Variants in RALGAPB observed in about 807,000 individuals in gnomAD.
The protein encoded by RALGAPB is ral GTPase-activating protein subunit beta.
A neutral mutation model predicts 161.1 loss-of-function variants in RALGAPB; 25 were observed. That is an observed-to-expected ratio of 0.16 (90% CI 0.11 to 0.22). The LOEUF (loss-of-function observed/expected upper bound fraction) is 0.22. Ranked by LOEUF, RALGAPB falls within the 10% of genes least tolerant of loss-of-function variation. The pLI, the probability that RALGAPB is intolerant of heterozygous loss-of-function variation, is 1.00. For missense variants in RALGAPB, 1,391 were observed against 1,815.2 expected, an observed-to-expected ratio of 0.77 and a Z score of 4.25; for synonymous variants, 629 against 626.1, an observed-to-expected ratio of 1.00 and a Z score of -0.07.
At position 38,558,274 on chromosome 20, in the gene RALGAPB, CCTTT is replaced by C. The variant is rs766165125; in HGVS notation, c.3373-17_3373-14del. 46 of 1,479,832 alleles carry C rather than the reference CCTTT, an allele frequency of 3.1e-5. No individual in the cohort carries two copies. The East Asian group carries it at 1.0e-3, about 33-fold the overall frequency. 91.7% of individuals were successfully genotyped at this position (1,479,832 alleles called of 1,614,324 possible). A position where few individuals can be genotyped will look rare whatever the true frequency, so the allele number is the denominator to read the frequency against. ...TGAAAGAAAATAGGTAATAATTGCT[CCTTT>C]CTTCTTTTGGTGGCAGGAACCTGCA... On this transcript the variant is annotated splice_polypyrimidine_tract_variant and intron_variant, in intron 22 of 29. Coordinates refer to ENST00000262879, the MANE Select transcript of RALGAPB (RefSeq NM_020336.4).
At chr20:38,566,799 G>A (rs889465366) in intron 25 of RALGAPB, among the ~76,000 whole-genome samples, 6 of 152,192 alleles carry the variant, frequency 3.9e-5, no homozygotes, top group East Asian at 1.9e-4. Context: ...TTATCCTTTA[G>A]AGCAGGAGCT....
intron 21 of RALGAPB, 64 bp from the exon 22 acceptor site, chr20:38,553,803 A>AAAAAATAAT: frequency 1.1e-6 from 1 of 886,876 alleles, no homozygotes; most frequent in East Asian, 2.8e-5. Flanking sequence ...AAAAAAAAAC[A>AAAAAATAAT]CTTAAGATTG....
At chr20:38,562,436 G>A in intron 23 of RALGAPB, 96 bp from the exon 24 acceptor site, 1 of 1,049,262 alleles carries the variant, frequency 9.5e-7, no homozygotes, top group Non-Finnish European at 1.3e-6. Flanking sequence ...GACATGATTT[G>A]TCAGAAGCTT....
intron 16 of RALGAPB, among the ~76,000 whole-genome samples, chr20:38,539,385 A>G (rs554086144): frequency 6.6e-6 from 1 of 152,256 alleles, no homozygotes; most frequent in African/African-American, 2.4e-5. Flanking sequence ...ATATTGGGCA[A>G]TTTATGACAA....
At chr20:38,536,155 C>T (rs915429697) in intron 16 of RALGAPB, among the ~76,000 whole-genome samples, 6 of 152,316 alleles carry the variant, frequency 3.9e-5, no homozygotes, top group East Asian at 3.9e-4. Flanking sequence ...CGCACCCCCT[C>T]CTCTGACAAC....
chr20:38,554,774 A>G (rs915113136), intron 22 of RALGAPB, among the ~76,000 whole-genome samples: 1 of 152,240 alleles, frequency 6.6e-6, no homozygotes, highest in African/African-American at 2.4e-5. Flanking sequence ...TCTTAATTCC[A>G]TTAGCCTTAA....
intron 25 of RALGAPB, among the ~76,000 whole-genome samples, chr20:38,566,107 C>T (rs945452655): frequency 5.9e-5 from 9 of 152,182 alleles, no homozygotes; most frequent in African/African-American, 2.2e-4. Context: ...TCTTTGAGAT[C>T]ATTTGTAGGA....
chr20:38,510,129 CAT>C (rs1255283282), intron 6 of RALGAPB, among the ~76,000 whole-genome samples: 2 of 84,700 alleles, frequency 2.4e-5, no homozygotes, highest in African/African-American at 6.3e-5. Context: ...CACACACGCA[CAT>C]ACACACACAC....
rs143350423 is a variant in RALGAPB at position 38,529,565 on chromosome 20, G to T, written c.2051-1602G>T. Among the ~76,000 whole-genome samples, 26 of 151,754 alleles carry T rather than the reference G, an allele frequency of 1.7e-4. No individual in the cohort carries two copies. In the East Asian group the frequency reaches 3.5e-3, roughly 20 times the overall value. ...ATAAAAATAAAGCTTGGGCGTGGTG[G>T]CTCATGCCTGTAATCCCAGAACTTT... is the stretch of plus-strand genomic sequence containing the variant. On this transcript the variant is annotated intron_variant, in intron 13 of 29. Coordinates refer to ENST00000262879, the MANE Select transcript of RALGAPB (RefSeq NM_020336.4).
chr20:38,506,709 C>T (rs904182338), intron 5 of RALGAPB, among the ~76,000 whole-genome samples: 4 of 152,058 alleles, frequency 2.6e-5, no homozygotes, highest in African/African-American at 9.7e-5. Flanking sequence ...TCCTCTGCCC[C>T]GCTGTATTTC....
chr20:38,518,112 C>T, intron 9 of RALGAPB, 112 bp downstream of exon 9: 1 of 1,039,144 alleles, frequency 9.6e-7, no homozygotes. Flanking sequence ...CTCTCTGTTT[C>T]TGACCAAGCA....
chr20:38,515,257 T>C (rs1005623581), intron 6 of RALGAPB, among the ~76,000 whole-genome samples: 2 of 152,232 alleles, frequency 1.3e-5, no homozygotes, highest in African/African-American at 2.4e-5. Context: ...CGTTCTCCTT[T>C]CCGCAATTAC....
In RALGAPB at chr20:38,549,548, A is replaced by AT. The variant is rs1401414758; in HGVS notation, c.3009+753_3009+754insT. On this transcript the variant is annotated intron_variant, in intron 20 of 29. Transcript: ENST00000262879. Reference sequence around the variant, plus strand: ...CCAGCCTAATTAAAAAAAAAAAAAAAAATATATATATATATACACACACAC... The same window carrying AT: ...CCAGCCTAATTAAAAAAAAAAAAAAATAATATATATATATATACACACACAC... Among the ~76,000 whole-genome samples, 565 of 123,196 alleles carry AT rather than the reference A, an allele frequency of 4.6e-3. 3 individuals are homozygous for AT. The highest frequency in any genetic ancestry group is 7.8e-3 in the African/African-American group (275 of 35,392). The allele number at this position is 123,196 out of a possible 152,430, so 80.8% of individuals were successfully genotyped here. A position where few individuals can be genotyped will look rare whatever the true frequency, so the allele number is the denominator to read the frequency against.
At chr20:38,555,822 A>C (rs541859725) in intron 22 of RALGAPB, among the ~76,000 whole-genome samples, 4 of 152,224 alleles carry the variant, frequency 2.6e-5, no homozygotes. Context: ...CTGACAGCTC[A>C]TACATACAGA....
chr20:38,508,835 G>GAT (rs1023005016), intron 5 of RALGAPB, among the ~76,000 whole-genome samples: 1 of 151,922 alleles, frequency 6.6e-6, no homozygotes, highest in South Asian at 2.1e-4. Flanking sequence ...ATGATGTTTT[G>GAT]ATATATATAT....
At chr20:38,564,836 T>C (rs2087926642) in intron 24 of RALGAPB, among the ~76,000 whole-genome samples, 1 of 151,786 alleles carries the variant, frequency 6.6e-6, no homozygotes, top group African/African-American at 2.4e-5. Context: ...CTCTCTCTCT[T>C]CTCTCTCTTC....
intron 16 of RALGAPB, among the ~76,000 whole-genome samples, chr20:38,538,724 G>T (rs1201586199): frequency 6.6e-6 from 1 of 152,112 alleles, no homozygotes; most frequent in African/African-American, 2.4e-5. Context: ...AGATACCACT[G>T]CAAATCTATT....
rs775580865 is a variant in RALGAPB, at chr20:38,499,490, C to T, written c.597C>T (p.Leu199=). 1 of 1,612,896 alleles carries T rather than the reference C, an allele frequency of 6.2e-7. No homozygotes were observed. The highest frequency in any genetic ancestry group is 2.2e-5 in the East Asian group (1 of 44,782). The change falls in exon 5 of 30, where the codon CTC becomes CTT. Residue 199 remains leucine (L), a synonymous_variant. Transcript: ENST00000262879. The part of the protein sequence containing the change: ...ENLAEKLIGV[L]FEVWLLACTR... ...TAGCAGAGAAGTTGATTGGTGTTCTCTTTGAGGTGTGGTTACTAGCTTGTA... is the reference window on the plus strand; with the variant it reads ...TAGCAGAGAAGTTGATTGGTGTTCTTTTTGAGGTGTGGTTACTAGCTTGTA...
intron 18 of RALGAPB, among the ~76,000 whole-genome samples, chr20:38,545,475 A>T (rs1461962482): frequency 6.6e-6 from 1 of 152,144 alleles, no homozygotes; most frequent in Non-Finnish European, 1.5e-5. Flanking sequence ...TGTGGTTCTA[A>T]TATCATCTGG....
Sources: allele counts gnomAD v4.1 joint callset (sites outside exome capture counted in the v4.1 genomes callset), GRCh38; gene constraint gnomAD v4.1.1; transcripts MANE v1.5; gene names NCBI Gene and HGNC (gene_info 2026-07-23, HGNC 2026-07-21).